Variants in PAPPA2 observed in about 807,000 individuals in gnomAD.
PAPPA2 encodes pappalysin-2.
Under a neutral mutation model 176.4 loss-of-function variants are expected in PAPPA2, and 86 were observed. The observed-to-expected ratio is 0.49, with a 90% CI of 0.41 to 0.58. The LOEUF is 0.58. Ranked by LOEUF, PAPPA2 falls within the 20% of genes least tolerant of loss-of-function variation. PAPPA2 has a pLI of 0.00. For synonymous variants in PAPPA2, 809 were observed against 852.2 expected (o/e 0.95, Z 0.88); for missense variants, 2,073 against 2,256.9 (o/e 0.92, Z 1.65).
In PAPPA2 at chr1:176,845,536, A is replaced by G. The variant is rs1163400247; in HGVS notation, c.*3082A>G. The G allele has an allele frequency of 6.6e-6, 1 of 152,224 alleles. No homozygotes were observed. The highest frequency in any genetic ancestry group is 1.5e-5 in the Non-Finnish European group (1 of 68,038). The allele number at this position is 152,224 out of a possible 1,614,324, so 9.4% of individuals were successfully genotyped here. A position where few individuals can be genotyped will look rare whatever the true frequency, so the allele number is the denominator to read the frequency against. The stretch of plus-strand genomic sequence containing the variant: ...AGCTGATCTACTGTATTGTAATGTA[A>G]AACAGCTACAGCCAGTTATTTTGTA... On this transcript the variant is annotated 3_prime_UTR_variant, in exon 23 of 23. Transcript: ENST00000367662.
chr1:176,739,636 A>G lies in PAPPA2; in HGVS notation c.3809A>G (p.Asn1270Ser). Residue 1270 changes from asparagine (N) to serine (S), a missense_variant, in exon 13 of 23, where the codon AAT becomes AGT. Coordinates refer to ENST00000367662, the MANE Select transcript of PAPPA2 (RefSeq NM_020318.3). Reference sequence around the variant, plus strand: ...TGTGCTTATGCTTAGGTGTGTTTCAATAGACCAGGAGAGGCCAGAGCAATT... The same window carrying G: ...TGTGCTTATGCTTAGGTGTGTTTCAGTAGACCAGGAGAGGCCAGAGCAATT... ...EDEVWLKVCF[N>S]RPGEARAIFI... 5.6e-6 allele frequency: 9 copies of G among 1,613,236 alleles called. No individual in the cohort carries two copies. Among genetic ancestry groups the G allele is most frequent in the South Asian group, 1.1e-5 (1 of 91,024 alleles).
chr1:176,767,320 G>A (rs1262158775), intron 15 of PAPPA2, among the ~76,000 whole-genome samples: 1 of 152,198 alleles, frequency 6.6e-6, no homozygotes, highest in Non-Finnish European at 1.5e-5. Flanking sequence ...GAAGCACCAG[G>A]CAATAGATGC....
At chr1:176,690,586 CA>C in intron 5 of PAPPA2, 156 bp downstream of exon 5, 1 of 1,414,968 alleles carries the variant, frequency 7.1e-7, no homozygotes, top group South Asian at 1.8e-5. Flanking sequence ...ATTATTTTTT[CA>C]TGTCTTTGAA....
chr1:176,537,977 C>T (rs1168010547), intron 1 of PAPPA2, among the ~76,000 whole-genome samples: 2 of 152,056 alleles, frequency 1.3e-5, no homozygotes, highest in Non-Finnish European at 2.9e-5. Context: ...GCCAGACCTA[C>T]TATATTTCTC....
chr1:176,726,126 T>G (rs1050281578), intron 12 of PAPPA2, among the ~76,000 whole-genome samples: 1 of 152,204 alleles, frequency 6.6e-6, no homozygotes, highest in Non-Finnish European at 1.5e-5. Flanking sequence ...ACTTATATTT[T>G]TTTCCTTCTC....
chr1:176,595,690 C>T, intron 3 of PAPPA2, 95 bp downstream of exon 3: 2 of 1,205,130 alleles, frequency 1.7e-6, no homozygotes, highest in South Asian at 1.5e-5. Context: ...TTCACACACT[C>T]CCTGAATAAG....
chr1:176,562,006 GC>G (rs1393801966), intron 2 of PAPPA2, among the ~76,000 whole-genome samples: 8 of 152,052 alleles, frequency 5.3e-5, no homozygotes, highest in Non-Finnish European at 1.0e-4. Context: ...CACACGAACA[GC>G]ACAGAAAAAC....
At chr1:176,753,381 T>C (rs1409503626) in intron 14 of PAPPA2, among the ~76,000 whole-genome samples, 1 of 152,094 alleles carries the variant, frequency 6.6e-6, no homozygotes, top group Non-Finnish European at 1.5e-5. Context: ...CTTTACGGAT[T>C]CCTATTGTGC....
In PAPPA2 at chr1:176,842,627, C is replaced by T; in HGVS notation, c.*173C>T. 1 of 616,160 alleles carries T rather than the reference C, an allele frequency of 1.6e-6. No individual in the cohort carries two copies. Among genetic ancestry groups the T allele is most frequent in the South Asian group, 2.1e-5 (1 of 47,456 alleles). The allele number at this position is 616,160 out of a possible 1,614,324, so 38.2% of individuals were successfully genotyped here. A position where few individuals can be genotyped will look rare whatever the true frequency, so the allele number is the denominator to read the frequency against. On this transcript the variant is annotated 3_prime_UTR_variant, in exon 23 of 23. Transcript: ENST00000367662. Reference sequence around the variant, plus strand: ...GGATATTGATAGGTGTGAACTAGTTCATCAAGTAGCCCAAGTAGGAGAGAA... The same window carrying T: ...GGATATTGATAGGTGTGAACTAGTTTATCAAGTAGCCCAAGTAGGAGAGAA...
In PAPPA2 at chr1:176,710,432, T is replaced by C. The variant is rs74127228; in HGVS notation, c.3651+256T>C. On this transcript the variant is annotated intron_variant, in intron 11 of 22. Coordinates refer to ENST00000367662, the MANE Select transcript of PAPPA2 (RefSeq NM_020318.3). ...AACACCATTTGCACTGTTTCAGTGG[T>C]TTACTACAATGATCAAATAAGCTTT... is the stretch of plus-strand genomic sequence containing the variant. 8.3e-3 allele frequency among the ~76,000 whole-genome samples: 1,271 copies of C among 152,254 alleles called. 23 individuals carry two copies. The highest frequency in any genetic ancestry group is 0.027 in the African/African-American group (1,111 of 41,558).
intron 6 of PAPPA2, among the ~76,000 whole-genome samples, chr1:176,695,350 C>T (rs541255023): frequency 4.9e-4 from 74 of 152,100 alleles, no homozygotes; most frequent in Non-Finnish European, 9.4e-4. Context: ...AAATTATTGC[C>T]TGTTTTAGTG....
intron 2 of PAPPA2, among the ~76,000 whole-genome samples, chr1:176,584,588 A>G (rs116020701): frequency 0.014 from 2,135 of 151,976 alleles, 66 homozygotes; most frequent in African/African-American, 0.049. Context: ...CCTTTGGTCA[A>G]TCTATATTTT....
chr1:176,562,320 T>C (rs1651722317), intron 2 of PAPPA2, among the ~76,000 whole-genome samples: 1 of 152,096 alleles, frequency 6.6e-6, no homozygotes, highest in African/African-American at 2.4e-5. Flanking sequence ...GAGGGTGTCA[T>C]CCACATAGAA....
intron 1 of PAPPA2, among the ~76,000 whole-genome samples, chr1:176,504,663 A>C (rs1315028059): frequency 6.6e-6 from 1 of 152,148 alleles, no homozygotes; most frequent in Non-Finnish European, 1.5e-5. Flanking sequence ...TTCACAAAAT[A>C]CTGTTTTCTT....
chr1:176,624,098 G>A (rs911822387), intron 3 of PAPPA2, among the ~76,000 whole-genome samples: 1 of 152,064 alleles, frequency 6.6e-6, no homozygotes, highest in African/African-American at 2.4e-5. Flanking sequence ...AGCTGTCCTG[G>A]CACTCAAATG....
At chr1:176,578,193 A>G (rs2102623871) in intron 2 of PAPPA2, among the ~76,000 whole-genome samples, 1 of 152,354 alleles carries the variant, frequency 6.6e-6, no homozygotes, top group East Asian at 1.9e-4. Context: ...TGTTCCCTCC[A>G]GAATGAGCCT....
intron 1 of PAPPA2, among the ~76,000 whole-genome samples, chr1:176,520,435 C>A (rs1453508827): frequency 6.6e-6 from 1 of 152,158 alleles, no homozygotes; most frequent in East Asian, 1.9e-4. Context: ...TTTCAGAGAG[C>A]AGAATTATTG....
chr1:176,712,418 T>C (rs1184287600), intron 12 of PAPPA2, among the ~76,000 whole-genome samples: 2 of 152,172 alleles, frequency 1.3e-5, no homozygotes, highest in African/African-American at 2.4e-5. Flanking sequence ...GTTTTTGAAA[T>C]TTATAGGAAA....
intron 1 of PAPPA2, among the ~76,000 whole-genome samples, chr1:176,504,847 A>G (rs1648166470): frequency 1.3e-5 from 2 of 152,226 alleles, no homozygotes; most frequent in South Asian, 2.1e-4. Context: ...TATGTCTCAG[A>G]TGGGTACTAC....
Sources: gnomAD v4.1 joint callset for allele counts (sites outside exome capture counted in the v4.1 genomes callset) on GRCh38, gnomAD v4.1.1 for gene constraint, MANE v1.5 for transcripts, NCBI Gene and HGNC (gene_info 2026-07-23, HGNC 2026-07-21) for gene names.